TRPS1: variants seen among roughly 807,000 people sequenced by gnomAD.
TRPS1 encodes zinc finger transcription factor Trps1.
A neutral mutation model predicts 101.2 loss-of-function variants in TRPS1; 6 were observed. That is an observed-to-expected ratio of 0.06 (90% CI 0.03 to 0.12). The LOEUF (loss-of-function observed/expected upper bound fraction) is 0.12, where lower values mean the gene tolerates loss of function less well. Ranked by LOEUF, TRPS1 falls within the 10% of genes least tolerant of loss-of-function variation. The probability of loss-of-function intolerance (pLI) is 1.00; values close to 1 mark genes in which losing one functional copy is unlikely to be tolerated. For synonymous variants in TRPS1, 578 were observed against 589.8 expected (o/e 0.98, Z 0.29); for missense variants, 1,363 against 1,567.0 (o/e 0.87, Z 2.20).
chr8:115,443,112 GA>G (rs978201283), intron 5 of TRPS1, among the ~76,000 whole-genome samples: 4 of 148,510 alleles, frequency 2.7e-5, no homozygotes, highest in Non-Finnish European at 4.5e-5. Flanking sequence ...AAAGAAAAAG[GA>G]AAAAAAAATA....
Position 115,470,231 on chromosome 8 carries a change from C to G in TRPS1, c.2701-51779G>C, listed in dbSNP as rs1342892430. ...GGACTTCAATCATACTTGCTTTATA[C>G]TTAATGTCCTTTCTAGTCTTTGACT... On this transcript the variant is annotated intron_variant, in intron 5 of 6. Transcript: ENST00000395715. Among the ~76,000 whole-genome samples, 9 of 152,290 alleles carry G rather than the reference C, an allele frequency of 5.9e-5. No homozygotes were observed. The East Asian group carries it at 1.7e-3, about 29-fold the overall frequency.
intron 5 of TRPS1, among the ~76,000 whole-genome samples, chr8:115,507,994 T>TG (rs1320870597): frequency 6.6e-6 from 1 of 151,842 alleles, no homozygotes; most frequent in African/African-American, 2.4e-5. Context: ...TTGAAAAAAA[T>TG]GCTAACAACT....
At chr8:115,655,871 C>T (rs1811665508) in intron 1 of TRPS1, among the ~76,000 whole-genome samples, 1 of 152,090 alleles carries the variant, frequency 6.6e-6, no homozygotes, top group Non-Finnish European at 1.5e-5. Flanking sequence ...AAAATCAGCA[C>T]ATTATCTTAA....
At chr8:115,505,147 T>C (rs1021249490) in intron 5 of TRPS1, among the ~76,000 whole-genome samples, 1 of 152,124 alleles carries the variant, frequency 6.6e-6, no homozygotes, top group Non-Finnish European at 1.5e-5. Context: ...TCAATTAGGA[T>C]TTATTATTTC....
At chr8:115,477,230 T>C (rs1221664159) in intron 5 of TRPS1, among the ~76,000 whole-genome samples, 1 of 152,182 alleles carries the variant, frequency 6.6e-6, no homozygotes, top group Non-Finnish European at 1.5e-5. Context: ...CTTGGAAGAA[T>C]AATACATTTA....
At chr8:115,636,280 G>A (rs541176041) in intron 1 of TRPS1, among the ~76,000 whole-genome samples, 22 of 152,174 alleles carry the variant, frequency 1.4e-4, no homozygotes, top group African/African-American at 4.3e-4. Flanking sequence ...TGTTTACTGC[G>A]CCACAGATGC....
chr8:115,599,848 A>G (rs2130479394), intron 4 of TRPS1, among the ~76,000 whole-genome samples: 1 of 150,910 alleles, frequency 6.6e-6, no homozygotes, highest in African/African-American at 2.4e-5. Context: ...TCCTTTGCGT[A>G]TATACCCAGT....
chr8:115,660,699 A>G (rs1185616510), intron 1 of TRPS1, among the ~76,000 whole-genome samples: 1 of 151,952 alleles, frequency 6.6e-6, no homozygotes, highest in East Asian at 1.9e-4. Flanking sequence ...CAAATAGCTA[A>G]CAATAAATCA....
intron 2 of TRPS1, among the ~76,000 whole-genome samples, chr8:115,621,372 C>G (rs552905031): frequency 9.9e-5 from 15 of 152,188 alleles, no homozygotes; most frequent in African/African-American, 3.4e-4. Flanking sequence ...CGCAATTATC[C>G]AAAACATGCT....
At chr8:115,591,755 G>T (rs1444078891) in intron 4 of TRPS1, among the ~76,000 whole-genome samples, 1 of 152,266 alleles carries the variant, frequency 6.6e-6, no homozygotes, top group African/African-American at 2.4e-5. Flanking sequence ...TGAGACCCAG[G>T]TTTTATGTCG....
intron 5 of TRPS1, among the ~76,000 whole-genome samples, chr8:115,558,509 T>G (rs1816876668): frequency 6.6e-6 from 1 of 152,198 alleles, no homozygotes; most frequent in African/African-American, 2.4e-5. Context: ...TTGGCACAAC[T>G]AATCTTGCTT....
intron 5 of TRPS1, among the ~76,000 whole-genome samples, chr8:115,453,478 T>G (rs1813933161): frequency 6.6e-6 from 1 of 152,226 alleles, no homozygotes. Context: ...TGTGTACATG[T>G]GAGTATGTGT....
At chr8:115,446,718 T>C (rs1813746768) in intron 5 of TRPS1, among the ~76,000 whole-genome samples, 1 of 152,176 alleles carries the variant, frequency 6.6e-6, no homozygotes, top group South Asian at 2.1e-4. Context: ...AATTTATAGA[T>C]AACAATCATG....
chr8:115,512,003 AACGTGTTGCT>A (rs1262791916), intron 5 of TRPS1, among the ~76,000 whole-genome samples: 1 of 151,842 alleles, frequency 6.6e-6, no homozygotes, highest in Non-Finnish European at 1.5e-5. Flanking sequence ...CTATCGCATC[AACGTGTTGCT>A]ACCATCCCTA....
At chr8:115,535,799 A>G (rs1439318827) in intron 5 of TRPS1, among the ~76,000 whole-genome samples, 1 of 151,810 alleles carries the variant, frequency 6.6e-6, no homozygotes, top group Non-Finnish European at 1.5e-5. Context: ...TATATATGAG[A>G]GTCAAGCCTT....
intron 1 of TRPS1, among the ~76,000 whole-genome samples, chr8:115,657,629 T>C (rs1811704458): frequency 6.6e-6 from 1 of 152,086 alleles, no homozygotes; most frequent in South Asian, 2.1e-4. Context: ...TCAAGCATCA[T>C]CCATGGTCGA....
At chr8:115,646,156 T>C (rs887704159) in intron 1 of TRPS1, among the ~76,000 whole-genome samples, 1 of 152,180 alleles carries the variant, frequency 6.6e-6, no homozygotes, top group African/African-American at 2.4e-5. Flanking sequence ...AAATAAATAT[T>C]CAATCGTTTG....
intron 6 of TRPS1, among the ~76,000 whole-genome samples, chr8:115,416,674 T>A (rs1305359417): frequency 6.6e-6 from 1 of 151,704 alleles, no homozygotes; most frequent in Non-Finnish European, 1.5e-5. Context: ...CTCTTGTATC[T>A]TAAATAAGTA....
At chr8:115,565,516 C>T (rs550878357) in intron 5 of TRPS1, among the ~76,000 whole-genome samples, 2 of 150,816 alleles carry the variant, frequency 1.3e-5, no homozygotes, top group African/African-American at 4.9e-5. Flanking sequence ...TATTACTAAA[C>T]ATACTGGAGT....
Sources: gnomAD v4.1 joint callset for allele counts (sites outside exome capture counted in the v4.1 genomes callset) on GRCh38, gnomAD v4.1.1 for gene constraint, MANE v1.5 for transcripts, NCBI Gene and HGNC (gene_info 2026-07-23, HGNC 2026-07-21) for gene names.